The following DCUN1D4 variants were observed in gnomAD, a reference collection of about 807,000 sequenced individuals.
DCUN1D4 encodes defective in cullin neddylation 1 domain containing 4.
In DCUN1D4, 22 loss-of-function variants were observed where a neutral mutation model predicts 47.9. That is an observed-to-expected ratio of 0.46 (90% CI 0.33 to 0.66). The LOEUF is 0.66. Ranked by LOEUF, DCUN1D4 falls within the 30% of genes least tolerant of loss-of-function variation. The pLI, the probability that DCUN1D4 is intolerant of heterozygous loss-of-function variation, is 0.02. For missense variants in DCUN1D4, 301 were observed against 340.8 expected (o/e 0.88, Z 0.92); for synonymous variants, 121 against 112.2 (o/e 1.08, Z -0.50).
chr4:51,900,128 T>G (rs915864093), intron 8 of DCUN1D4, among the ~76,000 whole-genome samples: 21 of 152,216 alleles, frequency 1.4e-4, no homozygotes, highest in African/African-American at 5.1e-4. Context: ...TGATTGCACT[T>G]TTTTAAATTA....
chr4:51,843,030 A>G (rs973011366), upstream of DCUN1D4: 72 of 1,358,554 alleles, frequency 5.3e-5, no homozygotes, highest in South Asian at 9.4e-4. Context: ...TGCCAGCTCC[A>G]GACCGGCGCT....
Position 51,863,412 on chromosome 4 carries a change from G to T in DCUN1D4, c.26-25G>T, listed in dbSNP as rs1054984421. ...TACAATATTGGAAATAAATGACGCT[G>T]ACATTTTTCCTTTTTCTTTTCAAGA... On this transcript the variant is annotated intron_variant, in intron 1 of 10. Transcript: ENST00000334635. 1.9e-6 allele frequency: 3 copies of T among 1,559,918 alleles called. No homozygotes were observed. In the African/African-American group the frequency reaches 4.1e-5, roughly 21 times the overall value.
Position 51,915,997 on chromosome 4 carries a change from AAG to A in DCUN1D4, c.*2414_*2415del, listed in dbSNP as rs1434754657. 3 of 152,028 alleles carry A rather than the reference AAG, an allele frequency of 2.0e-5. No homozygotes were observed. Among genetic ancestry groups the A allele is most frequent in the Non-Finnish European group, 2.9e-5 (2 of 67,970 alleles). 9.4% of individuals were successfully genotyped at this position (152,028 alleles called of 1,614,324 possible). On this transcript the variant is annotated 3_prime_UTR_variant, in exon 11 of 11. Transcript: ENST00000334635. Reference sequence around the variant, plus strand: ...ATATATTTATTTCTAAGGGGAGAAAAAGGGGTCAGACAGAGTAATATGATACA... The same window carrying A: ...ATATATTTATTTCTAAGGGGAGAAAAGGGTCAGACAGAGTAATATGATACA...
chr4:51,903,270 G>A (rs958466174), intron 8 of DCUN1D4, among the ~76,000 whole-genome samples: 2 of 152,056 alleles, frequency 1.3e-5, no homozygotes, highest in Admixed American at 6.5e-5. Flanking sequence ...CAACTTAGAA[G>A]AGACTTCTGG....
chr4:51,901,357 G>A (rs964703971), intron 8 of DCUN1D4, among the ~76,000 whole-genome samples: 2 of 152,212 alleles, frequency 1.3e-5, no homozygotes, highest in Non-Finnish European at 2.9e-5. Context: ...GTTCATAGTA[G>A]ATCCATGACT....
At chr4:51,845,446 A>G (rs1722387841) in intron 1 of DCUN1D4, among the ~76,000 whole-genome samples, 1 of 152,188 alleles carries the variant, frequency 6.6e-6, no homozygotes, top group Non-Finnish European at 1.5e-5. Context: ...GAAAACTGTA[A>G]AAAGTGGAGA....
At position 51,843,326 on chromosome 4, in the gene DCUN1D4, C is replaced by T. The variant is rs1577795354; in HGVS notation, c.25+59C>T. The T allele has an allele frequency of 9.4e-6, 14 of 1,486,952 alleles. No individual in the cohort carries two copies. The East Asian group carries it at 4.1e-4, about 43-fold the overall frequency. The allele number at this position is 1,486,952 out of a possible 1,614,324, so 92.1% of individuals were successfully genotyped here. ...CCGGGCGGCTGCCAAACTCGCCACTCGGCTCCCGCAGTCCCCGCCCCACGC... is the reference window on the plus strand; with the variant it reads ...CCGGGCGGCTGCCAAACTCGCCACTTGGCTCCCGCAGTCCCCGCCCCACGC... On this transcript the variant is annotated intron_variant, in intron 1 of 10. Transcript: ENST00000334635.
At chr4:51,843,061 ATG>A (rs1721844972), upstream of DCUN1D4, 4 of 1,386,730 alleles carry the variant, frequency 2.9e-6, no homozygotes, top group East Asian at 1.2e-4. Context: ...CTTTTGTCAA[ATG>A]AGAGACGCAG....
intron 8 of DCUN1D4, among the ~76,000 whole-genome samples, chr4:51,908,162 A>G (rs913489126): frequency 4.6e-5 from 7 of 152,210 alleles, no homozygotes; most frequent in African/African-American, 1.7e-4. Context: ...AATCTGCATT[A>G]AGGAAGACCA....
In DCUN1D4 at chr4:51,913,678, C is replaced by T; in HGVS notation, c.*94C>T. ...GTTTGTATCAAAGCGCATGCTGCTT[C>T]TCTTGCACTGTTTCCCTTTCGCAGG... is the stretch of plus-strand genomic sequence containing the variant. On this transcript the variant is annotated 3_prime_UTR_variant, in exon 11 of 11. Coordinates refer to ENST00000334635, the MANE Select transcript of DCUN1D4 (RefSeq NM_001040402.3). 8.9e-7 allele frequency: 1 copy of T among 1,128,104 alleles called. No individual in the cohort carries two copies. Among genetic ancestry groups the T allele is most frequent in the East Asian group, 2.4e-5 (1 of 41,888 alleles). The allele number at this position is 1,128,104 out of a possible 1,614,324, so 69.9% of individuals were successfully genotyped here. A position where few individuals can be genotyped will look rare whatever the true frequency, so the allele number is the denominator to read the frequency against.
At chr4:51,848,006 T>C (rs1722812235) in intron 1 of DCUN1D4, among the ~76,000 whole-genome samples, 1 of 152,222 alleles carries the variant, frequency 6.6e-6, no homozygotes, top group Non-Finnish European at 1.5e-5. Flanking sequence ...TACCCAAATA[T>C]GTATTGAATT....
intron 8 of DCUN1D4, chr4:51,905,071 A>T: frequency 2.7e-6 from 1 of 367,548 alleles, no homozygotes; most frequent in South Asian, 2.0e-5. Context: ...TTGCAGCCCC[A>T]AGGGGCTGAT....
chr4:51,851,621 G>T (rs561385044), intron 1 of DCUN1D4, among the ~76,000 whole-genome samples: 49 of 152,096 alleles, frequency 3.2e-4, no homozygotes, highest in Non-Finnish European at 6.3e-4. Context: ...GAGTGTATGA[G>T]TGGAAAGGAA....
intron 7 of DCUN1D4, 45 bp from the exon 8 acceptor site, chr4:51,899,225 A>G (rs1230599828): frequency 4.0e-6 from 6 of 1,511,822 alleles, no homozygotes; most frequent in Non-Finnish European, 5.3e-6. Context: ...AAAAAAATAA[A>G]TAAATGAACT....
intron 1 of DCUN1D4, among the ~76,000 whole-genome samples, chr4:51,856,201 C>A (rs1724110326): frequency 6.6e-6 from 1 of 152,150 alleles, no homozygotes; most frequent in African/African-American, 2.4e-5. Flanking sequence ...CCTTCTGCCG[C>A]CTTTACAGGT....
upstream of DCUN1D4, among the ~76,000 whole-genome samples, chr4:51,838,319 T>A (rs1721547854): frequency 6.6e-6 from 1 of 152,320 alleles, no homozygotes; most frequent in African/African-American, 2.4e-5. Context: ...ATTATATAGA[T>A]CTATAAAAGG....
intron 1 of DCUN1D4, chr4:51,844,266 C>A (rs1722124074): frequency 1.1e-6 from 1 of 917,314 alleles, no homozygotes; most frequent in Non-Finnish European, 1.3e-6. Flanking sequence ...CCTGTCGAGG[C>A]AGGGTCCCTT....
chr4:51,889,944 A>G (rs1192810980), intron 6 of DCUN1D4, among the ~76,000 whole-genome samples: 3 of 151,976 alleles, frequency 2.0e-5, no homozygotes, highest in Non-Finnish European at 4.4e-5. Context: ...TTTTTAATCC[A>G]AAAAAAACCT....
At chr4:51,863,339 G>A (rs945415587) in intron 1 of DCUN1D4, 98 bp from the exon 2 acceptor site, 13 of 955,000 alleles carry the variant, frequency 1.4e-5, no homozygotes, top group Middle Eastern at 2.4e-4. Context: ...AATTGAGATA[G>A]TATTTAATTA....
Sources: gnomAD v4.1 joint callset for allele counts (sites outside exome capture counted in the v4.1 genomes callset) on GRCh38, gnomAD v4.1.1 for gene constraint, MANE v1.5 for transcripts, NCBI Gene and HGNC (gene_info 2026-07-23, HGNC 2026-07-21) for gene names.